The following ZNF641 variants were observed in gnomAD, a reference collection of about 807,000 sequenced individuals.
ZNF641 encodes zinc finger protein 641.
Under a neutral mutation model 46.2 loss-of-function variants are expected in ZNF641, and 26 were observed. The observed-to-expected ratio is 0.56, with a 90% CI of 0.41 to 0.78. ZNF641 has a LOEUF of 0.78. Ranked by LOEUF, ZNF641 falls within the 30% of genes least tolerant of loss-of-function variation. ZNF641 has a pLI of 0.00. For synonymous variants in ZNF641, 163 were observed against 187.9 expected, an observed-to-expected ratio of 0.87 and a Z score of 1.09; for missense variants, 469 against 517.8, an observed-to-expected ratio of 0.91 and a Z score of 0.91.
intron 1 of ZNF641, 75 bp downstream of exon 1, chr12:48,350,711 G>GCC (rs899718086): frequency 1.0e-4 from 57 of 544,438 alleles, no homozygotes; most frequent in Non-Finnish European, 1.2e-4. Flanking sequence ...GGGTGACCGA[G>GCC]CCCCCACCAG....
rs113607575 is a variant in ZNF641 at position 48,347,819 on chromosome 12, T to C, written c.184+88A>G. 2.2e-5 allele frequency: 29 copies of C among 1,312,912 alleles called. No homozygotes were observed. In the East Asian group the frequency reaches 4.5e-4, roughly 20 times the overall value. 81.3% of individuals were successfully genotyped at this position (1,312,912 alleles called of 1,614,324 possible). A position where few individuals can be genotyped will look rare whatever the true frequency, so the allele number is the denominator to read the frequency against. ...GGTACAGGTTATGCTATTTAGTCCATGGCAATTTGGAGATTTTTAACCCTA... is the reference window on the plus strand; with the variant it reads ...GGTACAGGTTATGCTATTTAGTCCACGGCAATTTGGAGATTTTTAACCCTA... On this transcript the variant is annotated intron_variant, in intron 2 of 5. Coordinates refer to ENST00000547026, the MANE Select transcript of ZNF641 (RefSeq NM_001172681.2).
chr12:48,349,442 C>T (rs1012769484), intron 1 of ZNF641, among the ~76,000 whole-genome samples: 3 of 152,186 alleles, frequency 2.0e-5, no homozygotes, highest in African/African-American at 7.2e-5. Context: ...TGGTAACTAT[C>T]CTGGCTTACT....
chr12:48,347,222 A>T (rs930613876), intron 3 of ZNF641, 30 bp downstream of exon 3: 2 of 1,613,640 alleles, frequency 1.2e-6, no homozygotes, highest in African/African-American at 2.7e-5. Context: ...TGATGGGACC[A>T]CAGGAGACGC....
chr12:48,343,144 G>A lies in ZNF641; in HGVS notation c.1104C>T (p.Gly368=). The A allele has an allele frequency of 6.2e-7, 1 of 1,614,032 alleles. No homozygotes were observed. Among genetic ancestry groups the A allele is most frequent in the East Asian group, 2.2e-5 (1 of 44,856 alleles). The change falls in exon 6 of 6, where the codon GGC becomes GGT. Residue 368 remains glycine, a synonymous_variant. Coordinates refer to ENST00000547026, the MANE Select transcript of ZNF641 (RefSeq NM_001172681.2). ...HVCTECGKSF[G]RRHHLVRHWL... is the part of the protein sequence containing the mutation. ...AGTGTCTCACAAGGTGGTGCCTTCG[G>A]CCAAAGCTCTTCCCACATTCAGTGC...
Position 48,343,223 on chromosome 12 carries a change from C to T in ZNF641, c.1025G>A (p.Ser342Asn), listed in dbSNP as rs865938237. 3 of 1,614,116 alleles carry T rather than the reference C, an allele frequency of 1.9e-6. No homozygotes were observed. In the African/African-American group the frequency reaches 4.0e-5, roughly 22 times the overall value. The change falls in exon 6 of 6, where the codon AGC becomes AAC. Residue 342 changes from serine to asparagine, a missense_variant. Coordinates refer to ENST00000547026, the MANE Select transcript of ZNF641 (RefSeq NM_001172681.2). Reference sequence around the variant, plus strand: ...ACGCTGCCGTTTCCTTGTGCCAGGGCTCTCTCCAACCTCTTGGCCTTTGCA... The same window carrying T: ...ACGCTGCCGTTTCCTTGTGCCAGGGTTCTCTCCAACCTCTTGGCCTTTGCA... ...KSCKGQEVGE[S>N]PGTRKRQRAP... is the part of the protein sequence containing the mutation.
At position 48,341,241 on chromosome 12, in the gene ZNF641, G is replaced by A. The variant is rs1382053943; in HGVS notation, c.*1732C>T. On this transcript the variant is annotated 3_prime_UTR_variant, in exon 6 of 6. Coordinates refer to ENST00000547026, the MANE Select transcript of ZNF641 (RefSeq NM_001172681.2). ...TCTCTGGTTCATTCCACCAATTGTG[G>A]TTGAGAAACACATCTTAGGGAAGAA... The A allele has an allele frequency of 1.0e-6, 1 of 985,296 alleles. No individual in the cohort carries two copies. 61.0% of individuals were successfully genotyped at this position (985,296 alleles called of 1,614,324 possible). A position where few individuals can be genotyped will look rare whatever the true frequency, so the allele number is the denominator to read the frequency against.
chr12:48,345,662 T>G (rs1162079071), intron 3 of ZNF641, among the ~76,000 whole-genome samples, 188 bp from the exon 4 acceptor site: 6 of 152,118 alleles, frequency 3.9e-5, no homozygotes, highest in Non-Finnish European at 7.4e-5. Flanking sequence ...AGGTAGATGG[T>G]CAAGGAGTGA....
intron 5 of ZNF641, among the ~76,000 whole-genome samples, chr12:48,343,987 T>C (rs147352413): frequency 6.6e-6 from 1 of 152,358 alleles, no homozygotes; most frequent in African/African-American, 2.4e-5. Context: ...TCTGTAAAAT[T>C]GGAATAATAC....
rs1952737806 is a variant in ZNF641 at position 48,342,287 on chromosome 12, A to T, written c.*686T>A. On this transcript the variant is annotated 3_prime_UTR_variant, in exon 6 of 6. Coordinates refer to ENST00000547026, the MANE Select transcript of ZNF641 (RefSeq NM_001172681.2). ...AGCAGGTGAGGGTGAGAGGTGATGT[A>T]TATACTGCTGATTGGCATAAGGAAG... is the stretch of plus-strand genomic sequence containing the variant. The T allele has an allele frequency of 1.0e-6, 1 of 985,474 alleles. No homozygotes were observed. The highest frequency in any genetic ancestry group is 4.7e-5 in the South Asian group (1 of 21,294). The allele number at this position is 985,474 out of a possible 1,614,324, so 61.0% of individuals were successfully genotyped here. A position where few individuals can be genotyped will look rare whatever the true frequency, so the allele number is the denominator to read the frequency against.
rs11168534 is a variant in ZNF641, at chr12:48,343,787, T to C, written c.521-60A>G. ...GAGTCACAAGAGAGTGCTTGAGGCC[T>C]AAGTCACAAATGAGGTTGTCTGATA... is the stretch of plus-strand genomic sequence containing the variant. On this transcript the variant is annotated intron_variant, in intron 5 of 5. Coordinates refer to ENST00000547026, the MANE Select transcript of ZNF641 (RefSeq NM_001172681.2). 13,348 of 1,419,212 alleles carry C rather than the reference T, an allele frequency of 9.4e-3. 1,051 individuals are homozygous for C. In the African/African-American group the frequency reaches 0.17, roughly 18 times the overall value. 87.9% of individuals were successfully genotyped at this position (1,419,212 alleles called of 1,614,324 possible).
rs921297574 is a variant in ZNF641 at position 48,350,842 on chromosome 12, C to CCCCTCCG, written c.-89_-83dup. The CCCCTCCG allele has an allele frequency of 3.0e-6, 3 of 985,178 alleles. No homozygotes were observed. The highest frequency in any genetic ancestry group is 3.6e-6 in the Non-Finnish European group (3 of 829,786). The allele number at this position is 985,178 out of a possible 1,614,324, so 61.0% of individuals were successfully genotyped here. A position where few individuals can be genotyped will look rare whatever the true frequency, so the allele number is the denominator to read the frequency against. ...TCCCTCCCGGGCGCCGCCTGCCCCT[C>CCCCTCCG]CCCTCCGCCCTCCGCTTGCGTCTGG... On this transcript the variant is annotated 5_prime_UTR_variant, in exon 1 of 6. Transcript: ENST00000547026.
downstream of ZNF641, among the ~76,000 whole-genome samples, chr12:48,336,038 TAACAGA>T (rs1373961981): frequency 1.3e-5 from 2 of 152,202 alleles, no homozygotes; most frequent in African/African-American, 4.8e-5. Flanking sequence ...GAAAAACACT[TAACAGA>T]AACAAAAATG....
chr12:48,344,807 G>T, intron 4 of ZNF641, 95 bp from the exon 5 acceptor site: 1 of 753,390 alleles, frequency 1.3e-6, no homozygotes, highest in Non-Finnish European at 2.2e-6. Context: ...CCTATTGTTT[G>T]GAACTCTAGA....
At position 48,343,167 on chromosome 12, in the gene ZNF641, T is replaced by C. The variant is rs1035194567; in HGVS notation, c.1081A>G (p.Thr361Ala). The C allele has an allele frequency of 6.2e-7, 1 of 1,614,090 alleles. No individual in the cohort carries two copies. Among genetic ancestry groups the C allele is most frequent in the Non-Finnish European group, 8.5e-7 (1 of 1,179,992 alleles). The change falls in exon 6 of 6, where the codon ACT (threonine) becomes GCT (alanine). Residue 361 changes from threonine to alanine, a missense_variant. By Grantham distance (58) the Thr-to-Ala change is moderately conservative. Around this residue, in one of 3 missense-constraint regions of ZNF641, gnomAD observed 346 missense variants for 354.0 expected, o/e 0.98. Transcript: ENST00000547026. ...CGGCCAAAGCTCTTCCCACATTCAG[T>C]GCACACGTGACACTTTGGCACTGGT... is the stretch of plus-strand genomic sequence containing the variant. ...APPVPKCHVC[T>A]ECGKSFGRRH...
chr12:48,348,138 A>G (rs927858876), intron 1 of ZNF641, 23 bp from the exon 2 acceptor site: 2 of 1,611,940 alleles, frequency 1.2e-6, no homozygotes, highest in Non-Finnish European at 1.7e-6. Flanking sequence ...CATATCAGCA[A>G]TGCCCATGAA....
In ZNF641 at chr12:48,344,580, G is replaced by T; in HGVS notation, c.520+19C>A. The T allele has an allele frequency of 6.6e-7, 1 of 1,513,464 alleles. No individual in the cohort carries two copies. Among genetic ancestry groups the T allele is most frequent in the Non-Finnish European group, 9.2e-7 (1 of 1,091,904 alleles). 93.8% of individuals were successfully genotyped at this position (1,513,464 alleles called of 1,614,324 possible). ...CGAACTGTGAAGGAAGTGGCTGAAAGCCTATTCTAGGTTCTTACCTGTATA... is the reference window on the plus strand; with the variant it reads ...CGAACTGTGAAGGAAGTGGCTGAAATCCTATTCTAGGTTCTTACCTGTATA... On this transcript the variant is annotated intron_variant, in intron 5 of 5. Coordinates refer to ENST00000547026, the MANE Select transcript of ZNF641 (RefSeq NM_001172681.2).
At chr12:48,350,393 T>G in intron 1 of ZNF641, 2 of 382,188 alleles carry the variant, frequency 5.2e-6, no homozygotes, top group Non-Finnish European at 9.3e-6. Flanking sequence ...AGGTTGCTTC[T>G]TCCCTTCTTC....
rs1565986128 is a variant in ZNF641 at position 48,340,745 on chromosome 12, T to C, written c.*2228A>G. Reference sequence around the variant, plus strand: ...AAGTGCGTTTCTGGTTTCTGTCAGATTCAACAGGTCTGTACCCAAGACAGG... The same window carrying C: ...AAGTGCGTTTCTGGTTTCTGTCAGACTCAACAGGTCTGTACCCAAGACAGG... On this transcript the variant is annotated 3_prime_UTR_variant, in exon 6 of 6. Coordinates refer to ENST00000547026, the MANE Select transcript of ZNF641 (RefSeq NM_001172681.2). 1.0e-6 allele frequency: 1 copy of C among 985,346 alleles called. No individual in the cohort carries two copies. 61.0% of individuals were successfully genotyped at this position (985,346 alleles called of 1,614,324 possible). A position where few individuals can be genotyped will look rare whatever the true frequency, so the allele number is the denominator to read the frequency against.
At position 48,343,366 on chromosome 12, in the gene ZNF641, G is replaced by A. The variant is rs1376932952; in HGVS notation, c.882C>T (p.Ile294=). 6.2e-7 allele frequency: 1 copy of A among 1,614,090 alleles called. No individual in the cohort carries two copies. Among genetic ancestry groups the A allele is most frequent in the African/African-American group, 1.3e-5 (1 of 74,928 alleles). The change falls in exon 6 of 6, where the codon ATC becomes ATT. Residue 294 remains isoleucine (I), a synonymous_variant. Coordinates refer to ENST00000547026, the MANE Select transcript of ZNF641 (RefSeq NM_001172681.2). ...EKTFGRRHHL[I]RHQKTHLHDK... The stretch of plus-strand genomic sequence containing the variant: ...CATGTAGGTGGGTTTTCTGGTGCCT[G>A]ATGAGGTGATGTCTTCGCCCAAAGG...
Sources: gnomAD v4.1 joint callset for allele counts (sites outside exome capture counted in the v4.1 genomes callset) on GRCh38, gnomAD v4.1.1 for gene constraint, gnomAD v4.1.1 regional missense constraint, MANE v1.5 for transcripts, NCBI Gene and HGNC (gene_info 2026-07-23, HGNC 2026-07-21) for gene names.